IGSF21: variants seen among roughly 807,000 people sequenced by gnomAD.
IGSF21 encodes the protein immunoglobin superfamily member 21.
IGSF21 carries 28 observed loss-of-function variants against 46.8 expected under a neutral mutation model. The observed-to-expected ratio is 0.60, with a 90% CI of 0.44 to 0.82. The LOEUF (loss-of-function observed/expected upper bound fraction) is 0.82. Ranked by LOEUF, IGSF21 falls within the 40% of genes least tolerant of loss-of-function variation. The probability of loss-of-function intolerance (pLI) is 0.00; values close to 1 mark genes in which losing one functional copy is unlikely to be tolerated. For missense variants in IGSF21, 624 were observed against 665.5 expected, an observed-to-expected ratio of 0.94 and a Z score of 0.69; for synonymous variants, 284 against 273.6, an observed-to-expected ratio of 1.04 and a Z score of -0.38.
chr1:18,336,236 C>A (rs2085764492), intron 4 of IGSF21, among the ~76,000 whole-genome samples: 1 of 152,090 alleles, frequency 6.6e-6, no homozygotes, highest in African/African-American at 2.4e-5. Flanking sequence ...TCAAAAAGAG[C>A]CTGCAACATG....
intron 4 of IGSF21, among the ~76,000 whole-genome samples, chr1:18,342,414 G>A (rs1048053108): frequency 2.6e-5 from 4 of 152,130 alleles, no homozygotes; most frequent in Non-Finnish European, 5.9e-5. Flanking sequence ...TCTAAAATAT[G>A]GTTTTATTGA....
At chr1:18,271,824 C>A (rs891619941) in intron 2 of IGSF21, among the ~76,000 whole-genome samples, 18 of 152,152 alleles carry the variant, frequency 1.2e-4, no homozygotes, top group Admixed American at 6.5e-4. Flanking sequence ...GGGTAGGAAG[C>A]CCCAAGACCA....
rs562834104 is a variant in IGSF21, at chr1:18,365,634, C to T, written c.952C>T (p.Leu318Phe). 3 of 1,614,208 alleles carry T rather than the reference C, an allele frequency of 1.9e-6. No individual in the cohort carries two copies. In the South Asian group the frequency reaches 3.3e-5, roughly 18 times the overall value. Residue 318 changes from leucine to phenylalanine, a missense_variant, in exon 6 of 10, where the codon CTC becomes TTC. Leu to Phe is a conservative substitution (Grantham distance 22). Coordinates refer to ENST00000251296, the MANE Select transcript of IGSF21 (RefSeq NM_032880.5). The surrounding 1 kb of genome is among the most constrained non-coding windows in gnomAD (Gnocchi z 4.8). ...TLNPQIDNEA[L>F]FSCEVKHPAL... is the part of the protein sequence containing the mutation. ...CAACCCACAGATCGACAACGAGGCCCTCTTCAGCTGCGAGGTCAAGCACCC... is the reference window on the plus strand; with the variant it reads ...CAACCCACAGATCGACAACGAGGCCTTCTTCAGCTGCGAGGTCAAGCACCC...
intron 2 of IGSF21, among the ~76,000 whole-genome samples, chr1:18,252,341 A>G (rs2084851431): frequency 6.6e-6 from 1 of 152,074 alleles, no homozygotes; most frequent in African/African-American, 2.4e-5. Context: ...GAGCCACTGC[A>G]CCCGGCCTGA....
intron 1 of IGSF21, among the ~76,000 whole-genome samples, chr1:18,215,759 G>C (rs901956298): frequency 6.6e-6 from 1 of 152,142 alleles, no homozygotes; most frequent in Admixed American, 6.5e-5. Flanking sequence ...ATAGGGGTCA[G>C]GGGTTTGGAC....
chr1:18,253,216 G>A (rs1219767934), intron 2 of IGSF21, among the ~76,000 whole-genome samples: 3 of 134,538 alleles, frequency 2.2e-5, no homozygotes, highest in African/African-American at 7.4e-5. Context: ...TCTGCTGTAA[G>A]ATACACTATG....
At chr1:18,240,893 C>T (rs993488568) in intron 2 of IGSF21, among the ~76,000 whole-genome samples, 12 of 152,184 alleles carry the variant, frequency 7.9e-5, no homozygotes, top group Admixed American at 1.3e-4. Flanking sequence ...AGCTCAGCTG[C>T]GCAGCCATGA....
intron 2 of IGSF21, among the ~76,000 whole-genome samples, chr1:18,253,991 T>C (rs532707369): frequency 2.0e-5 from 3 of 152,350 alleles, no homozygotes; most frequent in Admixed American, 6.5e-5. Flanking sequence ...TCAGTGCTGA[T>C]TGGACACTTT....
intron 4 of IGSF21, among the ~76,000 whole-genome samples, chr1:18,361,048 T>G (rs1431514231): frequency 6.6e-6 from 1 of 151,864 alleles, no homozygotes; most frequent in Non-Finnish European, 1.5e-5. Context: ...GTTGAGTGGG[T>G]GGGAGGGGTG....
At chr1:18,157,867 C>G (rs191223644) in intron 1 of IGSF21, among the ~76,000 whole-genome samples, 18 of 152,224 alleles carry the variant, frequency 1.2e-4, no homozygotes, top group Admixed American at 5.2e-4. Flanking sequence ...CCCATAGGGT[C>G]TCCTCCATCA....
At chr1:18,124,448 A>T (rs1257540574) in intron 1 of IGSF21, among the ~76,000 whole-genome samples, 1 of 152,156 alleles carries the variant, frequency 6.6e-6, no homozygotes, top group African/African-American at 2.4e-5. Flanking sequence ...GGCCATGCTG[A>T]GTTTTGAACC....
intron 1 of IGSF21, among the ~76,000 whole-genome samples, chr1:18,197,992 G>T (rs1557583361): frequency 6.6e-6 from 1 of 152,004 alleles, no homozygotes; most frequent in Non-Finnish European, 1.5e-5. Flanking sequence ...GAGGGGATGG[G>T]GATTTAAAAA....
intron 2 of IGSF21, among the ~76,000 whole-genome samples, chr1:18,258,941 G>A (rs879727644): frequency 1.3e-5 from 2 of 152,190 alleles, no homozygotes; most frequent in African/African-American, 2.4e-5. Context: ...GAGTTTGATG[G>A]TGGACAGAAC....
At chr1:18,343,837 C>T (rs2085866562) in intron 4 of IGSF21, among the ~76,000 whole-genome samples, 1 of 152,230 alleles carries the variant, frequency 6.6e-6, no homozygotes, top group South Asian at 2.1e-4. Context: ...GCTTTTCTAA[C>T]CATCTGCCAC....
intron 1 of IGSF21, among the ~76,000 whole-genome samples, chr1:18,141,131 G>A (rs1040962403): frequency 6.6e-6 from 1 of 152,216 alleles, no homozygotes; most frequent in African/African-American, 2.4e-5. Flanking sequence ...TGGGACAAGT[G>A]GAACTGAAGG....
In IGSF21 at chr1:18,297,343, C is replaced by T. The variant is rs369902451; in HGVS notation, c.305+5356C>T. 7.9e-5 allele frequency among the ~76,000 whole-genome samples: 12 copies of T among 152,178 alleles called. No homozygotes were observed. The East Asian group carries it at 1.7e-3, about 22-fold the overall frequency. On this transcript the variant is annotated intron_variant, in intron 3 of 9. Transcript: ENST00000251296. ...ACACCTTAGGAAAGGAACATCCAGG[C>T]CCCCGTTCCTTCCCCCAACACTCAC...
At chr1:18,265,487 C>G (rs1373218290) in intron 2 of IGSF21, among the ~76,000 whole-genome samples, 1 of 152,216 alleles carries the variant, frequency 6.6e-6, no homozygotes, top group Non-Finnish European at 1.5e-5. Flanking sequence ...CATGCAGCGG[C>G]CTCCTCACTT....
intron 1 of IGSF21, among the ~76,000 whole-genome samples, chr1:18,156,092 T>A (rs2124438484): frequency 6.6e-6 from 1 of 152,312 alleles, no homozygotes; most frequent in African/African-American, 2.4e-5. Context: ...CGCGACAGGC[T>A]GGCTTCTATC....
intron 1 of IGSF21, among the ~76,000 whole-genome samples, chr1:18,154,157 C>T (rs1205784872): frequency 6.6e-6 from 1 of 152,152 alleles, no homozygotes; most frequent in African/African-American, 2.4e-5. Flanking sequence ...CCAGTCCCCA[C>T]CCTTCCCTAT....
Sources: allele counts gnomAD v4.1 joint callset (sites outside exome capture counted in the v4.1 genomes callset), GRCh38; gene constraint gnomAD v4.1.1; non-coding constraint Gnocchi (gnomAD v3.1); transcripts MANE v1.5; gene names NCBI Gene and HGNC (gene_info 2026-07-23, HGNC 2026-07-21).